PRUNE2: variants seen among roughly 807,000 people sequenced by gnomAD.
The protein encoded by PRUNE2 is protein prune homolog 2.
Under a neutral mutation model 252.0 loss-of-function variants are expected in PRUNE2, and 164 were observed. The observed-to-expected ratio is 0.65, with a 90% CI of 0.57 to 0.74. PRUNE2 has a LOEUF of 0.74. Ranked by LOEUF, PRUNE2 falls within the 30% of genes least tolerant of loss-of-function variation. The probability of loss-of-function intolerance (pLI) is 0.00; values close to 1 mark genes in which losing one functional copy is unlikely to be tolerated. For missense variants in PRUNE2, 3,495 were observed against 3,711.0 expected (o/e 0.94, Z 1.51); for synonymous variants, 1,292 against 1,350.2 (o/e 0.96, Z 0.94).
At chr9:76,621,627 A>G (rs1482125459) in intron 17 of PRUNE2, among the ~76,000 whole-genome samples, 1 of 152,126 alleles carries the variant, frequency 6.6e-6, no homozygotes, top group African/African-American at 2.4e-5. Flanking sequence ...TGGTTCTCAA[A>G]GCTGGGTCCT....
At chr9:76,711,688 A>G (rs1407378153) in intron 7 of PRUNE2, among the ~76,000 whole-genome samples, 1 of 152,208 alleles carries the variant, frequency 6.6e-6, no homozygotes, top group Admixed American at 6.5e-5. Flanking sequence ...GAGTTGCAAA[A>G]AAGCAGAGAT....
chr9:76,875,688 T>C (rs910223247), intron 1 of PRUNE2, among the ~76,000 whole-genome samples: 17 of 151,006 alleles, frequency 1.1e-4, no homozygotes, highest in Non-Finnish European at 4.4e-5. Flanking sequence ...GCCACCTGTG[T>C]GAGTCCAAAG....
chr9:76,715,967 CCTTT>C (rs1347711629), intron 6 of PRUNE2, among the ~76,000 whole-genome samples: 1 of 151,312 alleles, frequency 6.6e-6, no homozygotes, highest in East Asian at 2.0e-4. Flanking sequence ...TTACAGTTTT[CCTTT>C]CTAAGTATTT....
intron 9 of PRUNE2, among the ~76,000 whole-genome samples, chr9:76,682,968 C>T (rs2043634733): frequency 6.6e-6 from 1 of 152,208 alleles, no homozygotes; most frequent in African/African-American, 2.4e-5. Context: ...TCTTCATCTT[C>T]TCCTGACCAT....
intron 4 of PRUNE2, among the ~76,000 whole-genome samples, chr9:76,845,000 TAAAAAAAAAAAA>T (rs55754002): frequency 9.9e-5 from 6 of 60,772 alleles, no homozygotes; most frequent in Non-Finnish European, 1.5e-4. Context: ...CCCCCTCTCT[TAAAAAAAAAAAA>T]AAAAAAAAAA....
chr9:76,674,142 A>G (rs1478029070), intron 9 of PRUNE2, among the ~76,000 whole-genome samples: 2 of 151,732 alleles, frequency 1.3e-5, no homozygotes, highest in Non-Finnish European at 2.9e-5. Context: ...ACATGATTGT[A>G]TATCTAGAAA....
Position 76,887,559 on chromosome 9 carries a change from C to T in PRUNE2, c.36+18369G>A, listed in dbSNP as rs776494386. ...GCCCATGGGCAGAGTATACTTCCCA[C>T]CCCACTGCTATTGGGCTTGGCCATG... On this transcript the variant is annotated intron_variant, in intron 1 of 18. Coordinates refer to ENST00000376718, the MANE Select transcript of PRUNE2 (RefSeq NM_015225.3). 2.6e-5 allele frequency among the ~76,000 whole-genome samples: 4 copies of T among 152,340 alleles called. No individual in the cohort carries two copies. In the South Asian group the frequency reaches 8.3e-4, roughly 32 times the overall value.
At chr9:76,720,783 T>TA (rs2047569802) in intron 6 of PRUNE2, among the ~76,000 whole-genome samples, 1 of 152,192 alleles carries the variant, frequency 6.6e-6, no homozygotes, top group Non-Finnish European at 1.5e-5. Flanking sequence ...TTAAGTGATT[T>TA]ACATGTAAAA....
At chr9:76,717,323 G>A (rs1006071911) in intron 6 of PRUNE2, among the ~76,000 whole-genome samples, 7 of 152,140 alleles carry the variant, frequency 4.6e-5, no homozygotes, top group Admixed American at 2.0e-4. Flanking sequence ...CTTTTATGCC[G>A]GTGCTGTTTG....
intron 6 of PRUNE2, among the ~76,000 whole-genome samples, chr9:76,750,714 C>T (rs368712494): frequency 2.6e-4 from 40 of 152,228 alleles, no homozygotes; most frequent in African/African-American, 7.9e-4. Flanking sequence ...CTAAGGCAGT[C>T]GCAGTGGGAG....
intron 6 of PRUNE2, among the ~76,000 whole-genome samples, chr9:76,746,040 G>A (rs77501457): frequency 0.021 from 3,267 of 152,306 alleles, 48 homozygotes; most frequent in Non-Finnish European, 0.03. Flanking sequence ...TGCATCTAGA[G>A]CTGCTGACAG....
Position 76,826,573 on chromosome 9 carries a change from C to A in PRUNE2, c.661+7G>T. The A allele has an allele frequency of 6.4e-7, 1 of 1,571,296 alleles. No individual in the cohort carries two copies. The highest frequency in any genetic ancestry group is 8.7e-7 in the Non-Finnish European group (1 of 1,154,920). ...GGGACAAGAGAGCTGGGGACAGAGT[C>A]ACTCACCCTGAGCACTGAACTGGGT... On this transcript the variant is annotated splice_region_variant and intron_variant, in intron 5 of 18. Transcript: ENST00000376718.
chr9:76,794,613 CAAAAA>C (rs11358425), intron 6 of PRUNE2, among the ~76,000 whole-genome samples: 1 of 67,898 alleles, frequency 1.5e-5, no homozygotes, highest in Admixed American at 1.7e-4. Flanking sequence ...GACTCTGTCT[CAAAAA>C]AAAAAAAAAA....
chr9:76,659,373 C>A (rs1251797361), intron 9 of PRUNE2, among the ~76,000 whole-genome samples: 2 of 152,148 alleles, frequency 1.3e-5, no homozygotes, highest in Non-Finnish European at 2.9e-5. Context: ...ATTGCTAAAG[C>A]ATCAAAGCAT....
intron 9 of PRUNE2, among the ~76,000 whole-genome samples, chr9:76,682,523 G>A (rs181131430): frequency 6.6e-5 from 10 of 151,890 alleles, no homozygotes; most frequent in East Asian, 1.9e-4. Context: ...CACCCCGCCC[G>A]ACTAATTTTT....
In PRUNE2 at chr9:76,703,856, A is replaced by G; in HGVS notation, c.7757T>C (p.Leu2586Pro). ...GAAGCTTGCTAACTGAGTTCCCTGC[A>G]GCCCTGTTTCTTTGGAACCTACATA... ...ELYVGSKETG[L>P]QGTQLASFPD... Residue 2586 changes from leucine (L) to proline (P), a missense_variant, in exon 9 of 19, where the codon CTG (leucine) becomes CCG (proline). Leu to Pro is a moderately conservative substitution (Grantham distance 98). Transcript: ENST00000376718. 1.2e-6 allele frequency: 2 copies of G among 1,613,974 alleles called. No homozygotes were observed. Among genetic ancestry groups the G allele is most frequent in the Non-Finnish European group, 1.7e-6 (2 of 1,179,884 alleles).
rs1564527202 is a variant in PRUNE2 at position 76,897,390 on chromosome 9, C to CTATTT, written c.36+8537_36+8538insAAATA. ...TGGCTATGCAACCTTAGGCAAACCTCTTTTTTTTTTTTTTTTTTTTTTTTT... is the reference window on the plus strand; with the variant it reads ...TGGCTATGCAACCTTAGGCAAACCTCTATTTTTTTTTTTTTTTTTTTTTTTTTTTT... On this transcript the variant is annotated intron_variant, in intron 1 of 18. Coordinates refer to ENST00000376718, the MANE Select transcript of PRUNE2 (RefSeq NM_015225.3). 5.3e-5 allele frequency among the ~76,000 whole-genome samples: 3 copies of CTATTT among 56,252 alleles called. 1 individual carries two copies. The allele number at this position is 56,252 out of a possible 152,430, so 36.9% of individuals were successfully genotyped here. A position where few individuals can be genotyped will look rare whatever the true frequency, so the allele number is the denominator to read the frequency against.
rs1554820939 is a variant in PRUNE2 at position 76,872,643 on chromosome 9, A to C, written c.37-18435T>G. ...CACACACACACACACACACACACAC[A>C]CCCTCACACCTCAAAACTCCCTATT... On this transcript the variant is annotated intron_variant, in intron 1 of 18. Transcript: ENST00000376718. Among the ~76,000 whole-genome samples the C allele has an allele frequency of 5.7e-3, 838 of 147,002 alleles. 4 individuals carry two copies. Among genetic ancestry groups the C allele is most frequent in the African/African-American group, 0.015 (584 of 39,002 alleles).
At chr9:76,889,566 C>T (rs2062335882) in intron 1 of PRUNE2, among the ~76,000 whole-genome samples, 1 of 152,106 alleles carries the variant, frequency 6.6e-6, no homozygotes, top group African/African-American at 2.4e-5. Context: ...GTGATCTTCC[C>T]GCCTCAGCCT....
Sources: gnomAD v4.1 joint callset for allele counts (sites outside exome capture counted in the v4.1 genomes callset) on GRCh38, gnomAD v4.1.1 for gene constraint, MANE v1.5 for transcripts, NCBI Gene and HGNC (gene_info 2026-07-23, HGNC 2026-07-21) for gene names.